Variants in ADAM29 observed in about 807,000 individuals in gnomAD.
ADAM29 encodes disintegrin and metalloproteinase domain-containing protein 29.
For synonymous variants in ADAM29, 367 were observed against 342.3 expected, an observed-to-expected ratio of 1.07 and a Z score of -0.80; for missense variants, 969 against 1,001.8, an observed-to-expected ratio of 0.97 and a Z score of 0.44.
At chr4:174,949,192 A>G (rs1388583497) in intron 4 of ADAM29, among the ~76,000 whole-genome samples, 1 of 152,100 alleles carries the variant, frequency 6.6e-6, no homozygotes, top group Non-Finnish European at 1.5e-5. Context: ...AGGGGCACTC[A>G]GTCATGCCCT....
Position 174,976,159 on chromosome 4 carries a change from A to C in ADAM29, c.634A>C (p.Ile212Leu). 1 of 1,613,060 alleles carries C rather than the reference A, an allele frequency of 6.2e-7. No homozygotes were observed. The highest frequency in any genetic ancestry group is 8.5e-7 in the Non-Finnish European group (1 of 1,179,768). Residue 212 changes from isoleucine (I) to leucine (L), a missense_variant, in exon 5 of 5, where the codon ATT becomes CTT. By Grantham distance (5) the Ile-to-Leu change is conservative. Coordinates refer to ENST00000359240, the MANE Select transcript of ADAM29 (RefSeq NM_014269.4). ...IVVVIDNYLY[I>L]RYERNDSKLL... is the part of the protein sequence containing the mutation. ...AGTCGTCATTGATAATTATCTGTAC[A>C]TTCGTTATGAAAGGAACGACTCAAA...
intron 4 of ADAM29, among the ~76,000 whole-genome samples, chr4:174,942,361 C>T (rs1744586964): frequency 6.6e-6 from 1 of 152,224 alleles, no homozygotes; most frequent in Non-Finnish European, 1.5e-5. Context: ...TCCATGCAGG[C>T]TTCACTCCTG....
Position 174,977,084 on chromosome 4 carries a change from G to C in ADAM29, c.1559G>C (p.Cys520Ser). 6.2e-7 allele frequency: 1 copy of C among 1,614,038 alleles called. No individual in the cohort carries two copies. The highest frequency in any genetic ancestry group is 8.5e-7 in the Non-Finnish European group (1 of 1,179,964). The change falls in exon 5 of 5, where the codon TGC becomes TCC. Residue 520 changes from cysteine to serine, a missense_variant. Coordinates refer to ENST00000359240, the MANE Select transcript of ADAM29 (RefSeq NM_014269.4). ...GAGANTASET[C>S]YKELNTLGDR... is the part of the protein sequence containing the mutation. ...GGCGCAAATACTGCAAGTGAGACTT[G>C]CTACAAAGAATTGAACACCTTAGGT... is the stretch of plus-strand genomic sequence containing the variant.
chr4:174,936,340 A>G (rs538530277), intron 3 of ADAM29, among the ~76,000 whole-genome samples: 1 of 152,016 alleles, frequency 6.6e-6, no homozygotes, highest in Non-Finnish European at 1.5e-5. Flanking sequence ...AAAGGTCAAA[A>G]GTTATTATTA....
intron 4 of ADAM29, among the ~76,000 whole-genome samples, chr4:174,973,970 C>T (rs1318951014): frequency 2.0e-5 from 3 of 152,226 alleles, no homozygotes; most frequent in Non-Finnish European, 2.9e-5. Flanking sequence ...CTAGGTAGGC[C>T]TTCACTGATG....
At chr4:174,940,030 C>A (rs1744439618) in intron 4 of ADAM29, among the ~76,000 whole-genome samples, 1 of 151,680 alleles carries the variant, frequency 6.6e-6, no homozygotes, top group Admixed American at 6.6e-5. Context: ...CCTTCTTTCC[C>A]TTTTATTGAG....
chr4:174,944,493 TGTC>T (rs1417439337), intron 4 of ADAM29, among the ~76,000 whole-genome samples: 20 of 152,206 alleles, frequency 1.3e-4, no homozygotes, highest in African/African-American at 4.8e-4. Flanking sequence ...GGTTAGGAAA[TGTC>T]AGCATTCTAG....
intron 2 of ADAM29, among the ~76,000 whole-genome samples, chr4:174,926,855 G>A (rs1743551211): frequency 1.3e-5 from 2 of 151,732 alleles, no homozygotes; most frequent in Admixed American, 1.3e-4. Flanking sequence ...TCATTAAATA[G>A]TTCTATTGTC....
chr4:174,948,875 T>C (rs1404142852), intron 4 of ADAM29, among the ~76,000 whole-genome samples: 1 of 151,996 alleles, frequency 6.6e-6, no homozygotes, highest in African/African-American at 2.4e-5. Context: ...TGAGTTCACA[T>C]CGGCGGTGGC....
intron 4 of ADAM29, among the ~76,000 whole-genome samples, chr4:174,955,701 G>GA (rs1285720010): frequency 1.3e-5 from 2 of 151,656 alleles, no homozygotes; most frequent in Admixed American, 1.3e-4. Context: ...TGTACTTTTT[G>GA]AAAAAAGATC....
intron 4 of ADAM29, among the ~76,000 whole-genome samples, chr4:174,971,605 T>C (rs978727265): frequency 8.5e-5 from 13 of 152,120 alleles, no homozygotes; most frequent in Admixed American, 8.5e-4. Flanking sequence ...ATATGACAAG[T>C]TACTTTTCTC....
intron 4 of ADAM29, among the ~76,000 whole-genome samples, chr4:174,946,325 A>G (rs866196500): frequency 1.3e-5 from 2 of 152,124 alleles, no homozygotes; most frequent in East Asian, 1.9e-4. Flanking sequence ...TAGAAATGCT[A>G]TAGATTTTTG....
intron 4 of ADAM29, among the ~76,000 whole-genome samples, chr4:174,954,440 AT>A (rs1195324385): frequency 6.6e-6 from 1 of 151,998 alleles, no homozygotes; most frequent in African/African-American, 2.4e-5. Context: ...ATTCGTTCTT[AT>A]TTTTTTCTCA....
chr4:174,918,638 T>G (rs970320309), intron 1 of ADAM29, among the ~76,000 whole-genome samples, 167 bp downstream of exon 1: 1 of 152,052 alleles, frequency 6.6e-6, no homozygotes, highest in Non-Finnish European at 1.5e-5. Flanking sequence ...ACTTGCCCCA[T>G]ACCCTCTAAA....
In ADAM29 at chr4:174,977,705, A is replaced by G. The variant is rs754394910; in HGVS notation, c.2180A>G (p.Glu727Gly). The G allele has an allele frequency of 1.4e-5, 22 of 1,614,148 alleles. No individual in the cohort carries two copies. The Admixed American group carries it at 3.3e-4, about 24-fold the overall frequency. Reference protein sequence around the residue: ...EEEKIQRRPHELPPQSQPWVM... With the variant: ...EEEKIQRRPHGLPPQSQPWVM... ...GAAAAAATTCAGCGTCGACCTCATG[A>G]GTTACCTCCCCAGAGTCAACCTTGG... Residue 727 changes from glutamate (E) to glycine (G), a missense_variant, in exon 5 of 5, where the codon GAG becomes GGG. Transcript: ENST00000359240.
chr4:174,938,954 C>T (rs1744359582), intron 4 of ADAM29, among the ~76,000 whole-genome samples: 1 of 152,056 alleles, frequency 6.6e-6, no homozygotes, highest in Non-Finnish European at 1.5e-5. Context: ...TCTTTGTCTC[C>T]ATCATTATAT....
intron 4 of ADAM29, among the ~76,000 whole-genome samples, chr4:174,964,212 C>T (rs750762403): frequency 4.6e-5 from 7 of 151,558 alleles, no homozygotes; most frequent in Non-Finnish European, 8.8e-5. Flanking sequence ...AGGGTGGGCT[C>T]GAATCCAATT....
intron 4 of ADAM29, among the ~76,000 whole-genome samples, chr4:174,947,230 A>G (rs1744906901): frequency 6.6e-6 from 1 of 151,714 alleles, no homozygotes; most frequent in South Asian, 2.1e-4. Flanking sequence ...TTATGGTTTC[A>G]TGAATGTGTC....
intron 4 of ADAM29, among the ~76,000 whole-genome samples, chr4:174,946,291 C>T (rs4695803): frequency 0.68 from 103,002 of 151,928 alleles, 37,201 homozygotes; most frequent in Non-Finnish European, 0.8. Context: ...TGATTTGGCT[C>T]TCAGCTAGGA....
Sources: gnomAD v4.1 joint callset for allele counts (sites outside exome capture counted in the v4.1 genomes callset) on GRCh38, gnomAD v4.1.1 for gene constraint, MANE v1.5 for transcripts, NCBI Gene and HGNC (gene_info 2026-07-23, HGNC 2026-07-21) for gene names.